The following RAB2A variants were observed in gnomAD, a reference collection of about 807,000 sequenced individuals.
The protein encoded by RAB2A is RAB2A, member RAS oncogene family.
In RAB2A, 7 loss-of-function variants were observed where a neutral mutation model predicts 32.5. The observed-to-expected ratio is 0.22, with a 90% confidence interval of 0.12 to 0.40. RAB2A has a LOEUF of 0.40. RAB2A is among the 10% of genes least tolerant of loss of function. The pLI is 1.00. For synonymous variants in RAB2A, 79 were observed against 85.2 expected (o/e 0.93, Z 0.40); for missense variants, 108 against 260.7 (o/e 0.41, Z 4.03).
chr8:60,612,274 A>C (rs2150437439), intron 6 of RAB2A, among the ~76,000 whole-genome samples: 1 of 152,322 alleles, frequency 6.6e-6, no homozygotes, highest in Admixed American at 6.5e-5. Context: ...ATATTCCCCA[A>C]ACCTTTCTAA....
chr8:60,604,743 T>C (rs1804197004), intron 6 of RAB2A, among the ~76,000 whole-genome samples: 1 of 152,224 alleles, frequency 6.6e-6, no homozygotes, highest in African/African-American at 2.4e-5. Flanking sequence ...GCATTGAAGA[T>C]GTGGCCTGGT....
At chr8:60,547,884 C>T (rs1219476022) in intron 1 of RAB2A, among the ~76,000 whole-genome samples, 26 of 122,518 alleles carry the variant, frequency 2.1e-4, no homozygotes, top group South Asian at 5.9e-4. Flanking sequence ...GGGGGGCTGA[C>T]CCCCCTACCT....
intron 6 of RAB2A, among the ~76,000 whole-genome samples, chr8:60,608,495 T>C (rs1282834805): frequency 7.1e-5 from 5 of 70,918 alleles, no homozygotes; most frequent in African/African-American, 4.6e-4. Context: ...CTTCCTCTCC[T>C]TCTTCCTCTC....
chr8:60,599,016 GGAT>G (rs1804084472), intron 6 of RAB2A, among the ~76,000 whole-genome samples: 1 of 149,210 alleles, frequency 6.7e-6, no homozygotes, highest in African/African-American at 2.5e-5. Flanking sequence ...TTCTATTTGT[GGAT>G]GATGTAATTG....
At chr8:60,584,173 T>C (rs1330895955) in intron 3 of RAB2A, 35 bp from the exon 4 acceptor site, 2 of 1,487,478 alleles carry the variant, frequency 1.3e-6, no homozygotes, top group Non-Finnish European at 1.9e-6. Flanking sequence ...GACATTGTAT[T>C]AAAGGAAACT....
chr8:60,574,303 G>A (rs1808238040), intron 3 of RAB2A, among the ~76,000 whole-genome samples: 2 of 152,128 alleles, frequency 1.3e-5, no homozygotes, highest in East Asian at 1.9e-4. Flanking sequence ...CTCAGAATAA[G>A]CATTATGAGG....
chr8:60,598,915 A>C (rs986284685), intron 6 of RAB2A, among the ~76,000 whole-genome samples: 1 of 130,068 alleles, frequency 7.7e-6, no homozygotes, highest in Non-Finnish European at 1.6e-5. Context: ...TATTGATGGA[A>C]GTTCTAGCCA....
At chr8:60,584,150 T>C (rs965102295) in intron 3 of RAB2A, 58 bp from the exon 4 acceptor site, 58 of 1,340,520 alleles carry the variant, frequency 4.3e-5, no homozygotes, top group South Asian at 4.7e-5. Flanking sequence ...ATGAATAATA[T>C]GAAAATGTAG....
At position 60,590,022 on chromosome 8, in the gene RAB2A, C is replaced by T. The variant is rs574998776; in HGVS notation, c.363-1836C>T. Among the ~76,000 whole-genome samples, 7 of 151,888 alleles carry T rather than the reference C, an allele frequency of 4.6e-5. No individual in the cohort carries two copies. In the South Asian group the frequency reaches 1.2e-3, roughly 27 times the overall value. On this transcript the variant is annotated intron_variant, in intron 5 of 7. Coordinates refer to ENST00000262646, the MANE Select transcript of RAB2A (RefSeq NM_002865.3). ...TGTCGCCCAGGCTGGAGTGCAGTGGCGCGATCTCTGCTCACTGCAACCTCC... is the reference window on the plus strand; with the variant it reads ...TGTCGCCCAGGCTGGAGTGCAGTGGTGCGATCTCTGCTCACTGCAACCTCC...
chr8:60,563,838 C>T (rs1158173864), intron 2 of RAB2A, among the ~76,000 whole-genome samples: 1 of 152,150 alleles, frequency 6.6e-6, no homozygotes, highest in Non-Finnish European at 1.5e-5. Flanking sequence ...CCTCCTTACC[C>T]AGATTCAACT....
chr8:60,567,227 C>T (rs572904951), intron 2 of RAB2A, among the ~76,000 whole-genome samples: 2 of 151,030 alleles, frequency 1.3e-5, no homozygotes, highest in Admixed American at 6.6e-5. Flanking sequence ...GTAATTCTTG[C>T]GCCTCAGCCT....
At chr8:60,560,944 G>A (rs1023858398) in intron 2 of RAB2A, among the ~76,000 whole-genome samples, 13 of 152,148 alleles carry the variant, frequency 8.5e-5, no homozygotes, top group Admixed American at 3.9e-4. Context: ...GCCAGCTGGC[G>A]TCACACTATG....
chr8:60,547,098 C>T (rs1201008325), intron 1 of RAB2A, among the ~76,000 whole-genome samples: 4 of 151,016 alleles, frequency 2.6e-5, no homozygotes, highest in Non-Finnish European at 5.9e-5. Context: ...GGTGATGACT[C>T]TTAAGGAGCA....
rs1803812582 is a variant in RAB2A at position 60,584,199 on chromosome 8, TC to T, written c.187-8del. The T allele has an allele frequency of 6.3e-7, 1 of 1,585,248 alleles. No homozygotes were observed. The highest frequency in any genetic ancestry group is 1.1e-5 in the South Asian group (1 of 90,438). ...AAAGGAAACTCTCCAACCTTTTTTT[TC>T]GTTACAGGCAGGGCAAGAATCCTTT... is the stretch of plus-strand genomic sequence containing the variant. On this transcript the variant is annotated splice_polypyrimidine_tract_variant and splice_region_variant and intron_variant, in intron 3 of 7. Coordinates refer to ENST00000262646, the MANE Select transcript of RAB2A (RefSeq NM_002865.3).
chr8:60,571,371 C>CA (rs1164679359), intron 2 of RAB2A, among the ~76,000 whole-genome samples: 1 of 152,128 alleles, frequency 6.6e-6, no homozygotes, highest in Non-Finnish European at 1.5e-5. Flanking sequence ...GAATATTATG[C>CA]AGACATCAAA....
At position 60,620,816 on chromosome 8, in the gene RAB2A, C is replaced by T; in HGVS notation, c.*47C>T. 1 of 1,484,628 alleles carries T rather than the reference C, an allele frequency of 6.7e-7. No individual in the cohort carries two copies. Among genetic ancestry groups the T allele is most frequent in the Non-Finnish European group, 9.2e-7 (1 of 1,088,600 alleles). The allele number at this position is 1,484,628 out of a possible 1,614,324, so 92.0% of individuals were successfully genotyped here. A position where few individuals can be genotyped will look rare whatever the true frequency, so the allele number is the denominator to read the frequency against. On this transcript the variant is annotated 3_prime_UTR_variant, in exon 8 of 8. Coordinates refer to ENST00000262646, the MANE Select transcript of RAB2A (RefSeq NM_002865.3). ...GCCCAACGGGGCCTACTCACTTATT[C>T]TTTCACCCCCTCTCCTCCTGCTCAG... is the stretch of plus-strand genomic sequence containing the variant.
At chr8:60,615,472 T>A (rs1384250442) in intron 6 of RAB2A, among the ~76,000 whole-genome samples, 1 of 152,200 alleles carries the variant, frequency 6.6e-6, no homozygotes, top group Admixed American at 6.5e-5. Context: ...TAAAGATGGA[T>A]TAGAAACATC....
intron 6 of RAB2A, among the ~76,000 whole-genome samples, chr8:60,602,861 T>C (rs953304199): frequency 3.3e-5 from 5 of 152,344 alleles, no homozygotes; most frequent in African/African-American, 1.2e-4. Flanking sequence ...TATGCCATCC[T>C]TTTGTTCCTT....
chr8:60,533,963 AAAAAC>A (rs1202359188), intron 1 of RAB2A, among the ~76,000 whole-genome samples: 2 of 151,864 alleles, frequency 1.3e-5, no homozygotes, highest in Admixed American at 6.6e-5. Flanking sequence ...ACTCTGTCTC[AAAAAC>A]AAAACAAAAC....
Sources: allele counts gnomAD v4.1 joint callset (sites outside exome capture counted in the v4.1 genomes callset), GRCh38; gene constraint gnomAD v4.1.1; transcripts MANE v1.5; gene names NCBI Gene and HGNC (gene_info 2026-07-23, HGNC 2026-07-21).